Variants in RBFOX1 observed in about 807,000 individuals in gnomAD.
RBFOX1 encodes RNA binding protein fox-1 homolog 1.
A neutral mutation model predicts 57.7 loss-of-function variants in RBFOX1; 8 were observed. The ratio of observed to expected loss-of-function variants is 0.14; its 90% CI spans 0.08 to 0.25. The LOEUF (loss-of-function observed/expected upper bound fraction) is 0.25, where lower values mean the gene tolerates loss of function less well. Ranked by LOEUF, RBFOX1 falls within the 10% of genes least tolerant of loss-of-function variation. RBFOX1 has a pLI of 1.00. For missense variants in RBFOX1, 611 were observed against 548.5 expected, an observed-to-expected ratio of 1.11 and a Z score of -1.14; for synonymous variants, 326 against 222.4, an observed-to-expected ratio of 1.47 and a Z score of -4.15.
intron 1 of RBFOX1, among the ~76,000 whole-genome samples, chr16:6,142,371 G>A (rs1024415079): frequency 4.0e-5 from 6 of 151,464 alleles, no homozygotes; most frequent in Admixed American, 1.3e-4. Context: ...ACAGGCGCCC[G>A]CCTCCGCACG....
intron 2 of RBFOX1, among the ~76,000 whole-genome samples, chr16:6,590,179 A>G (rs1214386920): frequency 6.6e-6 from 1 of 152,202 alleles, no homozygotes; most frequent in Non-Finnish European, 1.5e-5. Flanking sequence ...TTCACATGGC[A>G]TATTCAAATT....
chr16:7,426,280 G>C (rs562553645), intron 4 of RBFOX1, among the ~76,000 whole-genome samples: 5 of 152,106 alleles, frequency 3.3e-5, no homozygotes, highest in Admixed American at 6.5e-5. Context: ...TCGTCTCCCC[G>C]CTTAATCCTT....
At chr16:5,453,748 A>G (rs573151239) in intron 1 of RBFOX1, among the ~76,000 whole-genome samples, 2 of 152,358 alleles carry the variant, frequency 1.3e-5, no homozygotes, top group South Asian at 2.1e-4. Flanking sequence ...GTTAGAGATC[A>G]GCTTTACTCT....
intron 1 of RBFOX1, among the ~76,000 whole-genome samples, chr16:6,026,535 C>T (rs570860136): frequency 6.6e-6 from 1 of 152,170 alleles, no homozygotes; most frequent in Non-Finnish European, 1.5e-5. Context: ...TTGCAAGATA[C>T]AAGGGAGGGT....
intron 2 of RBFOX1, among the ~76,000 whole-genome samples, chr16:5,544,694 T>C (rs948292417): frequency 6.6e-6 from 1 of 152,190 alleles, no homozygotes; most frequent in Non-Finnish European, 1.5e-5. Flanking sequence ...TATATCTTTG[T>C]ATAGTACATA....
intron 3 of RBFOX1, among the ~76,000 whole-genome samples, chr16:5,681,336 G>C (rs371659135): frequency 6.7e-6 from 1 of 149,258 alleles, no homozygotes; most frequent in Non-Finnish European, 1.5e-5. Flanking sequence ...CACCCGCCTC[G>C]GCCTCCCAAA....
At chr16:6,475,619 C>T (rs1282584481) in intron 2 of RBFOX1, among the ~76,000 whole-genome samples, 1 of 152,180 alleles carries the variant, frequency 6.6e-6, no homozygotes, top group Non-Finnish European at 1.5e-5. Context: ...TCTCAATATG[C>T]TTCATTAAGC....
At chr16:6,187,315 G>A (rs1035131438) in intron 1 of RBFOX1, among the ~76,000 whole-genome samples, 1 of 152,060 alleles carries the variant, frequency 6.6e-6, no homozygotes, top group Non-Finnish European at 1.5e-5. Context: ...ATGAGAGGAG[G>A]AAAGAGTAGA....
chr16:7,621,602 T>G (rs2059330942), intron 10 of RBFOX1, among the ~76,000 whole-genome samples: 1 of 152,226 alleles, frequency 6.6e-6, no homozygotes, highest in Non-Finnish European at 1.5e-5. Flanking sequence ...AAAGAAATTT[T>G]GAGCAAATAT....
intron 3 of RBFOX1, among the ~76,000 whole-genome samples, chr16:5,796,533 A>G (rs58931023): frequency 0.018 from 2,669 of 151,004 alleles, 78 homozygotes; most frequent in African/African-American, 0.062. Context: ...CCCAGGGATG[A>G]AGCAGGGCTG....
At chr16:7,300,523 C>T (rs1173442634) in intron 4 of RBFOX1, among the ~76,000 whole-genome samples, 1 of 152,130 alleles carries the variant, frequency 6.6e-6, no homozygotes, top group East Asian at 1.9e-4. Context: ...CTGAGCTAAC[C>T]CCAGTATAGA....
intron 3 of RBFOX1, among the ~76,000 whole-genome samples, chr16:6,989,188 G>T (rs1006047747): frequency 6.6e-6 from 1 of 152,294 alleles, no homozygotes; most frequent in South Asian, 2.1e-4. Flanking sequence ...GAGCCACTGT[G>T]CTTGGCCTCT....
At chr16:6,414,681 G>A (rs1189786349) in intron 2 of RBFOX1, among the ~76,000 whole-genome samples, 2 of 152,182 alleles carry the variant, frequency 1.3e-5, no homozygotes, top group African/African-American at 4.8e-5. Context: ...TAGACTGTGT[G>A]CCAGTCATTG....
At chr16:7,252,818 G>C (rs2094542865) in intron 4 of RBFOX1, among the ~76,000 whole-genome samples, 1 of 151,784 alleles carries the variant, frequency 6.6e-6, no homozygotes, top group Non-Finnish European at 1.5e-5. Flanking sequence ...CGTCAGATCT[G>C]GGATGTGAAC....
At chr16:6,824,129 G>T (rs1243287951) in intron 3 of RBFOX1, among the ~76,000 whole-genome samples, 1 of 152,198 alleles carries the variant, frequency 6.6e-6, no homozygotes, top group African/African-American at 2.4e-5. Context: ...ATTTGGCTAG[G>T]CGCTGTTGCT....
At position 7,133,345 on chromosome 16, in the gene RBFOX1, T is replaced by G. The variant is rs543873897; in HGVS notation, c.27+81247T>G. On this transcript the variant is annotated intron_variant, in intron 4 of 15. Coordinates refer to ENST00000550418, the MANE Select transcript of RBFOX1 (RefSeq NM_018723.4). ...GATATTTGGTTTCTGGACTCTTGTTTCTGTAAATTAGAACATTCCGATGTG... is the reference window on the plus strand; with the variant it reads ...GATATTTGGTTTCTGGACTCTTGTTGCTGTAAATTAGAACATTCCGATGTG... 1.5e-3 allele frequency among the ~76,000 whole-genome samples: 222 copies of G among 152,358 alleles called. 1 individual carries two copies. Among genetic ancestry groups the G allele is most frequent in the African/African-American group, 5.1e-3 (212 of 41,580 alleles).
At position 5,916,844 on chromosome 16, in the gene RBFOX1, C is replaced by T. The variant is rs1325691632; in HGVS notation, c.351+49509C>T. ...GAGTCGGAAACCACATCCTCTTAGC[C>T]AGGAGAGAGAAAGCTCTCCTGACGG... On this transcript the variant is annotated intron_variant, in intron 4 of 19. Coordinates refer to the RBFOX1 transcript ENST00000641259. Among the ~76,000 whole-genome samples the T allele has an allele frequency of 2.0e-5, 3 of 152,082 alleles. No individual in the cohort carries two copies. The South Asian group carries it at 6.2e-4, about 32-fold the overall frequency.
intron 1 of RBFOX1, among the ~76,000 whole-genome samples, chr16:6,208,339 T>C (rs1158918985): frequency 6.6e-6 from 1 of 152,134 alleles, no homozygotes; most frequent in African/African-American, 2.4e-5. Flanking sequence ...ACCTATTGCA[T>C]TGAGGGAATA....
intron 4 of RBFOX1, among the ~76,000 whole-genome samples, chr16:5,967,591 A>C (rs141555631): frequency 3.9e-5 from 6 of 152,320 alleles, no homozygotes; most frequent in African/African-American, 1.4e-4. Flanking sequence ...TTAAAAGGAT[A>C]AAATACACCA....
Sources: allele counts gnomAD v4.1 joint callset (sites outside exome capture counted in the v4.1 genomes callset), GRCh38; gene constraint gnomAD v4.1.1; transcripts MANE v1.5; gene names NCBI Gene and HGNC (gene_info 2026-07-23, HGNC 2026-07-21).